The following MAPT variants were observed in gnomAD, a reference collection of about 807,000 sequenced individuals.
The protein encoded by MAPT is microtubule-associated protein tau.
A neutral mutation model predicts 67.9 loss-of-function variants in MAPT; 34 were observed. That is an observed-to-expected ratio of 0.50 (90% CI 0.38 to 0.67). The LOEUF is 0.67. MAPT is among the 30% of genes least tolerant of loss of function. The probability of loss-of-function intolerance (pLI) is 0.00; values close to 1 mark genes in which losing one functional copy is unlikely to be tolerated. For synonymous variants in MAPT, 456 were observed against 464.5 expected (o/e 0.98, Z 0.23); for missense variants, 881 against 1,115.2 (o/e 0.79, Z 2.99).
chr17:45,895,755 G>T (rs111972148), intron 1 of MAPT: 3 of 152,154 alleles, frequency 2.0e-5, no homozygotes, highest in Non-Finnish European at 4.4e-5. Flanking sequence ...CCCGCCCCCA[G>T]CCCCCCTTTT....
intron 9 of MAPT, among the ~76,000 whole-genome samples, chr17:45,997,704 G>C (rs1194911401): frequency 2.6e-5 from 4 of 152,288 alleles, no homozygotes; most frequent in Admixed American, 2.6e-4. Flanking sequence ...AGGTTGCAGT[G>C]AGCCGAGATA....
chr17:46,023,596 C>T (rs1357761671), intron 12 of MAPT, among the ~76,000 whole-genome samples: 1 of 152,198 alleles, frequency 6.6e-6, no homozygotes. Flanking sequence ...TGGCAGCACT[C>T]TGAGAGGCTG....
intron 1 of MAPT, among the ~76,000 whole-genome samples, chr17:45,960,102 C>T (rs528561496): frequency 1.3e-5 from 2 of 152,282 alleles, no homozygotes; most frequent in South Asian, 2.1e-4. Context: ...TTTGTAAATC[C>T]GCGGATTCAT....
chr17:45,907,450 G>T (rs1472150695), intron 1 of MAPT, among the ~76,000 whole-genome samples: 1 of 152,154 alleles, frequency 6.6e-6, no homozygotes, highest in Non-Finnish European at 1.5e-5. Context: ...CCCACAGGTT[G>T]CACGTCCTGT....
In MAPT at chr17:45,937,927, CAT is replaced by C. The variant is rs552118710; in HGVS notation, c.-17-24392_-17-24391del. Among the ~76,000 whole-genome samples, 358 of 152,284 alleles carry C rather than the reference CAT, an allele frequency of 2.4e-3. 1 individual carries two copies. Among genetic ancestry groups the C allele is most frequent in the Middle Eastern group, 0.017 (5 of 294 alleles). On this transcript the variant is annotated intron_variant, in intron 1 of 12. Transcript: ENST00000262410. Reference sequence around the variant, plus strand: ...GCCATCTGCTGCAAGTGGGTGCTGCCATACCCACCTTACTGGGCAGGCTTGGG... The same window carrying C: ...GCCATCTGCTGCAAGTGGGTGCTGCCACCCACCTTACTGGGCAGGCTTGGG...
chr17:45,985,790 G>A (rs904377541), intron 5 of MAPT: 1 of 936,102 alleles, frequency 1.1e-6, no homozygotes, highest in Non-Finnish European at 1.3e-6. Flanking sequence ...CAGGTTCCCA[G>A]GTGCCACTTT....
intron 1 of MAPT, among the ~76,000 whole-genome samples, chr17:45,943,430 G>A (rs911499172): frequency 4.6e-5 from 7 of 152,184 alleles, no homozygotes; most frequent in South Asian, 2.1e-4. Flanking sequence ...AGCTCAGGTC[G>A]TTCATTACTG....
At chr17:45,904,236 TTATAA>T (rs1456556984) in intron 1 of MAPT, among the ~76,000 whole-genome samples, 1 of 48,626 alleles carries the variant, frequency 2.1e-5, no homozygotes, top group Non-Finnish European at 3.8e-5. Flanking sequence ...ATATTATATA[TTATAA>T]TATATATTAT....
chr17:45,984,118 C>A (rs1354563652), intron 5 of MAPT, among the ~76,000 whole-genome samples, 188 bp downstream of exon 5: 2 of 152,138 alleles, frequency 1.3e-5, no homozygotes, highest in Non-Finnish European at 2.9e-5. Context: ...AGGCTGTGGC[C>A]GCACGCGCCC....
At chr17:45,910,435 T>C (rs56189701) in intron 1 of MAPT, among the ~76,000 whole-genome samples, 21,718 of 152,134 alleles carry the variant, frequency 0.14, 2,124 homozygotes, top group Middle Eastern at 0.22. Context: ...GTGCTTCTTA[T>C]GCCTGGGCTT....
At chr17:45,957,987 C>G (rs2069932959) in intron 1 of MAPT, among the ~76,000 whole-genome samples, 1 of 152,082 alleles carries the variant, frequency 6.6e-6, no homozygotes, top group Admixed American at 6.5e-5. Context: ...TCAGGAGGCT[C>G]TAGCAAAATT....
chr17:46,022,918 AATAG>A (rs1436485828), intron 12 of MAPT, among the ~76,000 whole-genome samples: 5 of 150,894 alleles, frequency 3.3e-5, no homozygotes, highest in African/African-American at 5.0e-5. Flanking sequence ...TAGATAGATA[AATAG>A]ATGGATAGAT....
In MAPT at chr17:45,971,741, T is replaced by A; in HGVS notation, c.134-118T>A. 1 of 771,092 alleles carries A rather than the reference T, an allele frequency of 1.3e-6. No homozygotes were observed. The highest frequency in any genetic ancestry group is 1.4e-5 in the South Asian group (1 of 69,604). 47.8% of individuals were successfully genotyped at this position (771,092 alleles called of 1,614,324 possible). A position where few individuals can be genotyped will look rare whatever the true frequency, so the allele number is the denominator to read the frequency against. On this transcript the variant is annotated intron_variant, in intron 2 of 12. Coordinates refer to ENST00000262410, the MANE Select transcript of MAPT (RefSeq NM_001377265.1). The surrounding 1 kb of genome is among the most constrained non-coding windows in gnomAD (Gnocchi z 4.3). Reference sequence around the variant, plus strand: ...GTTTGTTGCGAGGCCGTGTTCCAGCTGTTTCCACAGGGAGCGATTTTCAGC... The same window carrying A: ...GTTTGTTGCGAGGCCGTGTTCCAGCAGTTTCCACAGGGAGCGATTTTCAGC...
intron 1 of MAPT, among the ~76,000 whole-genome samples, chr17:45,934,883 T>A (rs2067181899): frequency 6.8e-6 from 1 of 146,884 alleles, no homozygotes; most frequent in Non-Finnish European, 1.6e-5. Flanking sequence ...CTTTTTGAGT[T>A]TCCCCCCCGC....
In MAPT at chr17:45,988,448, G is replaced by A. The variant is rs372380578; in HGVS notation, c.1407+1353G>A. Among the ~76,000 whole-genome samples, 267 of 152,048 alleles carry A rather than the reference G, an allele frequency of 1.8e-3. 1 individual carries two copies. Among genetic ancestry groups the A allele is most frequent in the African/African-American group, 6.3e-3 (260 of 41,452 alleles). ...ATGCCCACCCGTCAAAATCCCCCAC[G>A]GGCAGGACGAACTGTGGGTGTCAGT... On this transcript the variant is annotated intron_variant, in intron 6 of 12. Coordinates refer to ENST00000262410, the MANE Select transcript of MAPT (RefSeq NM_001377265.1).
chr17:45,959,021 C>T lies in MAPT; in HGVS notation c.-17-3300C>T, dbSNP rs150338516. ...GAGGTTGCAGTAAGCTGAGATCGTA[C>T]CATTCCAGTCCAGCCTGGGCTACAG... On this transcript the variant is annotated intron_variant, in intron 1 of 12. Coordinates refer to ENST00000262410, the MANE Select transcript of MAPT (RefSeq NM_001377265.1). 3.0e-3 allele frequency among the ~76,000 whole-genome samples: 458 copies of T among 152,302 alleles called. 3 individuals are homozygous for T. The highest frequency in any genetic ancestry group is 0.011 in the East Asian group (55 of 5,178).
intron 1 of MAPT, among the ~76,000 whole-genome samples, chr17:45,930,600 G>A (rs916604870): frequency 2.0e-5 from 3 of 152,212 alleles, no homozygotes; most frequent in African/African-American, 7.2e-5. Context: ...CACACAGCCA[G>A]TAAATTACAG....
intron 1 of MAPT, among the ~76,000 whole-genome samples, chr17:45,904,412 T>A (rs865802766): frequency 2.9e-4 from 36 of 122,342 alleles, no homozygotes; most frequent in Middle Eastern, 3.7e-3. Context: ...TATATATATA[T>A]AAATGAGGCC....
At chr17:45,954,963 CGA>C (rs2069467074) in intron 1 of MAPT, among the ~76,000 whole-genome samples, 1 of 151,918 alleles carries the variant, frequency 6.6e-6, no homozygotes, top group Admixed American at 6.6e-5. Flanking sequence ...CCAGCCTGGG[CGA>C]AAGAGCGAGA....
Sources: allele counts gnomAD v4.1 joint callset (sites outside exome capture counted in the v4.1 genomes callset), GRCh38; gene constraint gnomAD v4.1.1; non-coding constraint Gnocchi (gnomAD v3.1); transcripts MANE v1.5; gene names NCBI Gene and HGNC (gene_info 2026-07-23, HGNC 2026-07-21).